The following UVRAG variants were observed in gnomAD, a reference collection of about 807,000 sequenced individuals.
UVRAG encodes UV radiation resistance associated, also known as UV radiation resistance-associated gene protein.
In UVRAG, 19 loss-of-function variants were observed where a neutral mutation model predicts 78.0. The observed-to-expected ratio is 0.24, with a 90% confidence interval of 0.17 to 0.36. UVRAG has a LOEUF of 0.36. UVRAG is among the 10% of genes least tolerant of loss of function. The probability of loss-of-function intolerance (pLI) is 1.00; values close to 1 mark genes in which losing one functional copy is unlikely to be tolerated. For missense variants in UVRAG, 740 were observed against 853.8 expected (o/e 0.87, Z 1.66); for synonymous variants, 323 against 324.6 (o/e 1.00, Z 0.05).
chr11:76,060,489 G>A (rs1353649622), intron 12 of UVRAG, among the ~76,000 whole-genome samples: 2 of 152,334 alleles, frequency 1.3e-5, no homozygotes, highest in East Asian at 1.9e-4. Flanking sequence ...TCAGCCCACC[G>A]CTGCACTGTG....
intron 1 of UVRAG, among the ~76,000 whole-genome samples, chr11:75,822,188 C>T (rs1199902936): frequency 1.3e-5 from 2 of 152,050 alleles, no homozygotes; most frequent in Non-Finnish European, 2.9e-5. Context: ...AGGTGATCCA[C>T]CCACCTTGGC....
intron 11 of UVRAG, among the ~76,000 whole-genome samples, chr11:76,014,382 A>G (rs975475754): frequency 9.9e-5 from 15 of 152,202 alleles, no homozygotes; most frequent in African/African-American, 3.6e-4. Context: ...CAGGTCATAT[A>G]GGAAAGGAAA....
intron 5 of UVRAG, among the ~76,000 whole-genome samples, chr11:75,900,869 A>G (rs1221898006): frequency 2.6e-5 from 4 of 152,216 alleles, no homozygotes; most frequent in Non-Finnish European, 5.9e-5. Context: ...CTTATTTCTC[A>G]GTGCTTCTCA....
intron 1 of UVRAG, among the ~76,000 whole-genome samples, chr11:75,843,311 C>T (rs67268976): frequency 0.19 from 29,329 of 152,046 alleles, 4,339 homozygotes; most frequent in African/African-American, 0.41. Flanking sequence ...TTCTAAAATA[C>T]GGGTATGTTT....
At chr11:75,831,506 A>C (rs1032271716) in intron 1 of UVRAG, among the ~76,000 whole-genome samples, 4 of 151,706 alleles carry the variant, frequency 2.6e-5, no homozygotes, top group South Asian at 4.2e-4. Flanking sequence ...AAACAAACAA[A>C]AAAAAAAAAC....
intron 5 of UVRAG, among the ~76,000 whole-genome samples, chr11:75,897,378 G>A (rs1051786660): frequency 1.3e-4 from 20 of 152,196 alleles, no homozygotes; most frequent in Middle Eastern, 6.8e-3. Flanking sequence ...GGATAACACC[G>A]CAGGGAATAT....
At chr11:75,999,748 A>G (rs1331551014) in intron 8 of UVRAG, among the ~76,000 whole-genome samples, 3 of 152,138 alleles carry the variant, frequency 2.0e-5, no homozygotes, top group Non-Finnish European at 4.4e-5. Context: ...CTAATCAGAA[A>G]ATCTGAAAGC....
rs1429790284 is a variant in UVRAG at position 75,879,772 on chromosome 11, AT to A, written c.271-104del. 14 of 1,440,188 alleles carry A rather than the reference AT, an allele frequency of 9.7e-6. 1 individual carries two copies. In the East Asian group the frequency reaches 3.2e-4, roughly 33 times the overall value. 89.2% of individuals were successfully genotyped at this position (1,440,188 alleles called of 1,614,324 possible). On this transcript the variant is annotated intron_variant, in intron 3 of 14. Coordinates refer to ENST00000356136, the MANE Select transcript of UVRAG (RefSeq NM_003369.4). ...CTTACTTAAGTTTGCAATTTAATGT[AT>A]TTATGAGGTCTTTTGGTTTTGAAAA...
intron 7 of UVRAG, among the ~76,000 whole-genome samples, chr11:75,978,013 G>A (rs930326740): frequency 3.3e-5 from 5 of 152,140 alleles, no homozygotes; most frequent in East Asian, 1.9e-4. Context: ...GGTACCGGTT[G>A]TTCTTTCCAT....
intron 12 of UVRAG, among the ~76,000 whole-genome samples, chr11:76,065,053 A>C (rs1337461687): frequency 6.6e-6 from 1 of 152,182 alleles, no homozygotes; most frequent in Non-Finnish European, 1.5e-5. Flanking sequence ...TTACTCTCTA[A>C]AATAACTCAT....
At chr11:75,817,816 G>T (rs960354592) in intron 1 of UVRAG, among the ~76,000 whole-genome samples, 2 of 151,706 alleles carry the variant, frequency 1.3e-5, no homozygotes, top group African/African-American at 4.8e-5. Flanking sequence ...GGCTGAGGTG[G>T]GGGGATCACT....
intron 1 of UVRAG, among the ~76,000 whole-genome samples, chr11:75,847,004 T>C (rs1430361056): frequency 1.3e-5 from 2 of 151,166 alleles, no homozygotes; most frequent in Non-Finnish European, 2.9e-5. Flanking sequence ...TTTGTATTTT[T>C]AGTAGAGATG....
intron 6 of UVRAG, among the ~76,000 whole-genome samples, chr11:75,959,522 G>A (rs986754524): frequency 6.6e-6 from 1 of 152,142 alleles, no homozygotes; most frequent in African/African-American, 2.4e-5. Flanking sequence ...AGAGAGTTAG[G>A]TCCTTACTCT....
Position 75,959,743 on chromosome 11 carries a change from T to C in UVRAG, c.594-1701T>C, listed in dbSNP as rs568088012. Among the ~76,000 whole-genome samples the C allele has an allele frequency of 2.0e-5, 3 of 152,360 alleles. No homozygotes were observed. The East Asian group carries it at 5.8e-4, about 29-fold the overall frequency. On this transcript the variant is annotated intron_variant, in intron 6 of 14. Transcript: ENST00000356136. ...TGCAAGAGGCCTAGTTTTTGGCTTA[T>C]CTTGGCTTTTCACCTGCCTTCCTCA... is the stretch of plus-strand genomic sequence containing the variant.
chr11:75,993,170 G>C (rs1949645129), intron 8 of UVRAG, among the ~76,000 whole-genome samples: 1 of 152,168 alleles, frequency 6.6e-6, no homozygotes, highest in South Asian at 2.1e-4. Context: ...GAATTAATTT[G>C]TGTAAACATT....
At chr11:75,980,358 G>T (rs1949365243) in intron 7 of UVRAG, among the ~76,000 whole-genome samples, 3 of 152,056 alleles carry the variant, frequency 2.0e-5, no homozygotes, top group Non-Finnish European at 4.4e-5. Flanking sequence ...TATGGATGGG[G>T]TTTCACTGTA....
In UVRAG at chr11:76,042,240, TACAC is replaced by T. The variant is rs1427940428; in HGVS notation, c.1227-23464_1227-23461del. Among the ~76,000 whole-genome samples the T allele has an allele frequency of 1.3e-4, 20 of 152,342 alleles. No individual in the cohort carries two copies. In the South Asian group the frequency reaches 3.7e-3, roughly 28 times the overall value. ...CAGGAGTTCAAAGGAATATTTTAGA[TACAC>T]ACACAGACAAAAATAGCTTTCAGAA... On this transcript the variant is annotated intron_variant, in intron 12 of 14. Coordinates refer to ENST00000356136, the MANE Select transcript of UVRAG (RefSeq NM_003369.4).
At chr11:76,001,302 A>C (rs553408188) in intron 8 of UVRAG, among the ~76,000 whole-genome samples, 1 of 152,216 alleles carries the variant, frequency 6.6e-6, no homozygotes. Flanking sequence ...AAATGAAAAT[A>C]CATTTGAAGT....
At chr11:75,843,787 C>T (rs776580016) in intron 1 of UVRAG, among the ~76,000 whole-genome samples, 2 of 151,938 alleles carry the variant, frequency 1.3e-5, no homozygotes, top group Admixed American at 6.6e-5. Flanking sequence ...GGCAAAACCC[C>T]GTCTATACAA....
Sources: allele counts gnomAD v4.1 joint callset (sites outside exome capture counted in the v4.1 genomes callset), GRCh38; gene constraint gnomAD v4.1.1; transcripts MANE v1.5; gene names NCBI Gene and HGNC (gene_info 2026-07-23, HGNC 2026-07-21).